Variants in LRRC4C observed in about 807,000 individuals in gnomAD.
LRRC4C encodes the protein leucine-rich repeat-containing protein 4C.
In LRRC4C, 5 loss-of-function variants were observed where a neutral mutation model predicts 33.6. That is an observed-to-expected ratio of 0.15 (90% CI 0.08 to 0.31). The LOEUF (loss-of-function observed/expected upper bound fraction) is 0.31, where lower values mean the gene tolerates loss of function less well. Among genes scored for constraint, LRRC4C ranks in the 10% least tolerant of loss-of-function variants. The probability of loss-of-function intolerance (pLI) is 1.00; values close to 1 mark genes in which losing one functional copy is unlikely to be tolerated. For synonymous variants in LRRC4C, 329 were observed against 302.0 expected, an observed-to-expected ratio of 1.09 and a Z score of -0.93; for missense variants, 560 against 796.7, an observed-to-expected ratio of 0.70 and a Z score of 3.58.
intron 1 of LRRC4C, among the ~76,000 whole-genome samples, chr11:41,057,579 A>G (rs1420150164): frequency 2.6e-5 from 4 of 152,162 alleles, no homozygotes; most frequent in Non-Finnish European, 5.9e-5. Context: ...CTGCCCATGG[A>G]CCAATAGGCA....
At chr11:40,451,022 G>C (rs531322984) in intron 3 of LRRC4C, among the ~76,000 whole-genome samples, 1 of 151,446 alleles carries the variant, frequency 6.6e-6, no homozygotes, top group African/African-American at 2.4e-5. Context: ...TTATTAGATG[G>C]AAGTTAATAG....
chr11:40,660,112 T>C lies in LRRC4C; in HGVS notation c.-406-11834A>G, dbSNP rs561102219. ...CTTGTCCACACACAGGTGCCTGCAG[T>C]GGAAGCTGCTTTTGGTACCTCTGAT... On this transcript the variant is annotated intron_variant, in intron 2 of 6. Coordinates refer to ENST00000528697, the MANE Select transcript of LRRC4C (RefSeq NM_001258419.2). Among the ~76,000 whole-genome samples, 15 of 152,320 alleles carry C rather than the reference T, an allele frequency of 9.8e-5. 1 individual carries two copies. Among genetic ancestry groups the C allele is most frequent in the African/African-American group, 3.4e-4 (14 of 41,562 alleles).
At chr11:41,256,202 C>T (rs1318569737) in intron 1 of LRRC4C, among the ~76,000 whole-genome samples, 4 of 152,046 alleles carry the variant, frequency 2.6e-5, no homozygotes, top group South Asian at 2.1e-4. Flanking sequence ...CCAACACTCC[C>T]GCATAGCTCA....
intron 1 of LRRC4C, among the ~76,000 whole-genome samples, chr11:41,156,188 C>T (rs1187603537): frequency 1.3e-5 from 2 of 152,040 alleles, no homozygotes; most frequent in Admixed American, 1.3e-4. Context: ...CCCAGTGTTG[C>T]TGTGATTGCA....
intron 1 of LRRC4C, among the ~76,000 whole-genome samples, chr11:41,305,194 C>G (rs1272185318): frequency 3.6e-5 from 2 of 56,148 alleles, no homozygotes; most frequent in African/African-American, 9.2e-5. Context: ...AGGAGCCCCT[C>G]TGCCCGGCCA....
chr11:41,107,094 A>T (rs186979187), intron 1 of LRRC4C, among the ~76,000 whole-genome samples: 31 of 146,956 alleles, frequency 2.1e-4, no homozygotes, highest in African/African-American at 7.6e-4. Flanking sequence ...GAATGTGTGC[A>T]TGATACTTAC....
At chr11:40,156,155 T>C (rs1858675307) in intron 5 of LRRC4C, among the ~76,000 whole-genome samples, 1 of 152,132 alleles carries the variant, frequency 6.6e-6, no homozygotes, top group South Asian at 2.1e-4. Context: ...CTAGCATTGC[T>C]CTATGATTAA....
At chr11:40,330,860 T>C (rs2123265) in intron 3 of LRRC4C, among the ~76,000 whole-genome samples, 134,140 of 152,126 alleles carry the variant, frequency 0.88, 59,580 homozygotes, top group East Asian at 0.98. Flanking sequence ...TCTCTTCTAG[T>C]TATTTGAAAA....
chr11:41,415,862 T>G (rs1050939665), intron 1 of LRRC4C, among the ~76,000 whole-genome samples: 1 of 152,112 alleles, frequency 6.6e-6, no homozygotes, highest in Non-Finnish European at 1.5e-5. Context: ...AATGAGAATA[T>G]AGACTGCTTT....
intron 5 of LRRC4C, among the ~76,000 whole-genome samples, chr11:40,189,005 T>C (rs1481840366): frequency 6.6e-6 from 1 of 152,198 alleles, no homozygotes; most frequent in Non-Finnish European, 1.5e-5. Flanking sequence ...TATTATGTAA[T>C]GGGCAAACAC....
intron 2 of LRRC4C, among the ~76,000 whole-genome samples, chr11:40,901,566 T>C (rs1302719506): frequency 1.3e-5 from 2 of 152,062 alleles, no homozygotes; most frequent in Non-Finnish European, 2.9e-5. Flanking sequence ...GTTTTTTTTC[T>C]CCCAGAAAAT....
At chr11:41,238,591 T>G (rs1248905423) in intron 1 of LRRC4C, among the ~76,000 whole-genome samples, 1 of 152,272 alleles carries the variant, frequency 6.6e-6, no homozygotes, top group African/African-American at 2.4e-5. Flanking sequence ...TAGGCACAGA[T>G]CCTCCTTTGC....
intron 6 of LRRC4C, among the ~76,000 whole-genome samples, chr11:40,118,500 G>A (rs1196889875): frequency 6.6e-6 from 1 of 152,074 alleles, no homozygotes; most frequent in Non-Finnish European, 1.5e-5. Context: ...ATTGGCACAA[G>A]AGCACTAACA....
chr11:41,019,553 C>G (rs2902204), intron 1 of LRRC4C, among the ~76,000 whole-genome samples: 97,304 of 151,794 alleles, frequency 0.64, 31,685 homozygotes, highest in Non-Finnish European at 0.69. Flanking sequence ...GGATTGCTGG[C>G]TCAAATGGTA....
At chr11:40,370,962 C>T (rs527591976) in intron 3 of LRRC4C, among the ~76,000 whole-genome samples, 6 of 152,090 alleles carry the variant, frequency 3.9e-5, no homozygotes, top group South Asian at 2.1e-4. Context: ...AAAGTTTTAA[C>T]GTGAAATGAG....
chr11:40,942,931 T>G (rs1290063627), intron 1 of LRRC4C, among the ~76,000 whole-genome samples: 1 of 152,270 alleles, frequency 6.6e-6, no homozygotes, highest in African/African-American at 2.4e-5. Flanking sequence ...TGTCAGCAAT[T>G]ACTCAACTAC....
intron 1 of LRRC4C, among the ~76,000 whole-genome samples, chr11:41,190,237 C>T (rs972381677): frequency 8.6e-5 from 13 of 151,958 alleles, no homozygotes; most frequent in South Asian, 2.1e-4. Flanking sequence ...TGAAGACAGA[C>T]GGAGGACAAG....
chr11:40,547,652 A>G (rs1956977467), intron 3 of LRRC4C, among the ~76,000 whole-genome samples: 1 of 152,090 alleles, frequency 6.6e-6, no homozygotes, highest in African/African-American at 2.4e-5. Context: ...TTTCCAAGTT[A>G]GAACTCTACC....
intron 1 of LRRC4C, among the ~76,000 whole-genome samples, chr11:41,413,616 C>T (rs565285298): frequency 4.6e-5 from 7 of 152,244 alleles, no homozygotes; most frequent in African/African-American, 1.4e-4. Flanking sequence ...CCATTGAGTC[C>T]TTCTTGGAAA....
Sources: gnomAD v4.1 joint callset for allele counts (sites outside exome capture counted in the v4.1 genomes callset) on GRCh38, gnomAD v4.1.1 for gene constraint, MANE v1.5 for transcripts, NCBI Gene and HGNC (gene_info 2026-07-23, HGNC 2026-07-21) for gene names.